The following ANKS1B variants were observed in gnomAD, a reference collection of about 807,000 sequenced individuals.
ANKS1B encodes the protein ankyrin repeat and sterile alpha motif domain containing 1B.
Under a neutral mutation model 148.3 loss-of-function variants are expected in ANKS1B, and 36 were observed. The observed-to-expected ratio is 0.24, with a 90% confidence interval of 0.19 to 0.32. The LOEUF (loss-of-function observed/expected upper bound fraction) is 0.32, where lower values mean the gene tolerates loss of function less well. Ranked by LOEUF, ANKS1B falls within the 10% of genes least tolerant of loss-of-function variation. The pLI, the probability that ANKS1B is intolerant of heterozygous loss-of-function variation, is 1.00. For missense variants in ANKS1B, 1,157 were observed against 1,542.6 expected, an observed-to-expected ratio of 0.75 and a Z score of 4.19; for synonymous variants, 542 against 560.8, an observed-to-expected ratio of 0.97 and a Z score of 0.47.
At chr12:98,792,699 T>G (rs932175106) in intron 22 of ANKS1B, among the ~76,000 whole-genome samples, 1 of 152,190 alleles carries the variant, frequency 6.6e-6, no homozygotes, top group Non-Finnish European at 1.5e-5. Context: ...TGAAATCATG[T>G]GGTATTTGTC....
chr12:98,836,122 T>G (rs1236474753), intron 17 of ANKS1B, among the ~76,000 whole-genome samples: 1 of 152,216 alleles, frequency 6.6e-6, no homozygotes, highest in African/African-American at 2.4e-5. Context: ...CTCTCCTTGC[T>G]CTTCTTCTTG....
chr12:99,418,391 A>G (rs1293627468), intron 11 of ANKS1B, among the ~76,000 whole-genome samples: 1 of 152,204 alleles, frequency 6.6e-6, no homozygotes, highest in Non-Finnish European at 1.5e-5. Context: ...ATTTGTGATT[A>G]TAAATGACCT....
At chr12:99,935,474 G>A (rs934404353) in intron 1 of ANKS1B, among the ~76,000 whole-genome samples, 2 of 152,012 alleles carry the variant, frequency 1.3e-5, no homozygotes, top group African/African-American at 4.8e-5. Flanking sequence ...CTCACAGGCT[G>A]AAATCAAAAT....
At chr12:99,238,443 C>T (rs553851576) in intron 14 of ANKS1B, among the ~76,000 whole-genome samples, 2 of 152,350 alleles carry the variant, frequency 1.3e-5, no homozygotes, top group Admixed American at 6.5e-5. Context: ...CTTAGCAAGG[C>T]CTACTGCCTC....
intron 10 of ANKS1B, among the ~76,000 whole-genome samples, chr12:99,492,193 A>G (rs984408756): frequency 9.2e-5 from 14 of 152,148 alleles, no homozygotes; most frequent in Non-Finnish European, 1.6e-4. Context: ...GGTCTAAATA[A>G]ACACAATCAG....
At chr12:99,809,593 T>C (rs538810581) in intron 3 of ANKS1B, among the ~76,000 whole-genome samples, 1 of 152,218 alleles carries the variant, frequency 6.6e-6, no homozygotes, top group South Asian at 2.1e-4. Context: ...AGTGTTACCA[T>C]GTAAATTACT....
At chr12:99,826,227 G>A (rs1395183548) in intron 1 of ANKS1B, among the ~76,000 whole-genome samples, 1 of 152,134 alleles carries the variant, frequency 6.6e-6, no homozygotes, top group Admixed American at 6.6e-5. Context: ...TAGGCACTGG[G>A]AGCACAAAAT....
chr12:98,802,453 TG>T (rs1415650214), intron 20 of ANKS1B, among the ~76,000 whole-genome samples: 1 of 152,144 alleles, frequency 6.6e-6, no homozygotes, highest in African/African-American at 2.4e-5. Context: ...TCTCTAGGAA[TG>T]GCGTACATAG....
intron 9 of ANKS1B, among the ~76,000 whole-genome samples, chr12:99,596,120 AT>A (rs1487395491): frequency 6.6e-6 from 1 of 151,896 alleles, no homozygotes; most frequent in Non-Finnish European, 1.5e-5. Context: ...AATATATTAA[AT>A]TTCTAGCACT....
At chr12:99,646,336 A>T (rs1164568961) in intron 9 of ANKS1B, among the ~76,000 whole-genome samples, 1 of 152,116 alleles carries the variant, frequency 6.6e-6, no homozygotes, top group Non-Finnish European at 1.5e-5. Context: ...GAAAGGAAGA[A>T]ATTATGTTTG....
intron 15 of ANKS1B, among the ~76,000 whole-genome samples, chr12:99,106,186 T>G (rs1037974406): frequency 6.6e-6 from 1 of 152,248 alleles, no homozygotes; most frequent in Admixed American, 6.5e-5. Flanking sequence ...CAATTACTAC[T>G]GGCAGCCTAA....
At chr12:99,946,654 CTT>C (rs1470985308) in intron 1 of ANKS1B, among the ~76,000 whole-genome samples, 1 of 152,174 alleles carries the variant, frequency 6.6e-6, no homozygotes, top group Non-Finnish European at 1.5e-5. Flanking sequence ...TTCTCCCACT[CTT>C]TGGTTTACAC....
intron 1 of ANKS1B, among the ~76,000 whole-genome samples, chr12:99,874,475 G>C (rs186943618): frequency 1.6e-4 from 24 of 152,134 alleles, no homozygotes; most frequent in African/African-American, 5.1e-4. Context: ...ATTGACTGCT[G>C]TCAAGATATT....
At chr12:99,407,488 TTCACCGTCATACTGGAAG>T (rs1298331006) in intron 11 of ANKS1B, among the ~76,000 whole-genome samples, 2 of 145,434 alleles carry the variant, frequency 1.4e-5, no homozygotes, top group Non-Finnish European at 3.0e-5. Flanking sequence ...AGCACTCTTA[TTCACCGTCATACTGGAAG>T]TCCTGGCTAG....
intron 4 of ANKS1B, among the ~76,000 whole-genome samples, chr12:99,786,203 A>G (rs1421716434): frequency 1.3e-5 from 2 of 152,230 alleles, no homozygotes; most frequent in Non-Finnish European, 2.9e-5. Context: ...CTGAAAACAA[A>G]CCAAAGAATA....
At chr12:98,895,000 G>C (rs2099761719) in intron 17 of ANKS1B, 2 of 816,032 alleles carry the variant, frequency 2.5e-6, no homozygotes, top group Admixed American at 1.3e-4. Flanking sequence ...CAGCGGCGGC[G>C]GCGGCGGCGC....
At chr12:99,602,529 TC>T (rs2097810905) in intron 9 of ANKS1B, among the ~76,000 whole-genome samples, 1 of 152,092 alleles carries the variant, frequency 6.6e-6, no homozygotes, top group South Asian at 2.1e-4. Flanking sequence ...CCTCAAAGTA[TC>T]TTCAGGTGAA....
At chr12:99,537,237 C>A (rs2097079275) in intron 9 of ANKS1B, among the ~76,000 whole-genome samples, 1 of 152,162 alleles carries the variant, frequency 6.6e-6, no homozygotes, top group Admixed American at 6.5e-5. Context: ...GTGCAGATAT[C>A]TCTTCAACAT....
At chr12:99,952,640 A>G (rs1302520442) in intron 1 of ANKS1B, among the ~76,000 whole-genome samples, 1 of 152,152 alleles carries the variant, frequency 6.6e-6, no homozygotes, top group Admixed American at 6.5e-5. Flanking sequence ...AGGCTCTTGT[A>G]CTTTCAACCA....
Sources: gnomAD v4.1 joint callset for allele counts (sites outside exome capture counted in the v4.1 genomes callset) on GRCh38, gnomAD v4.1.1 for gene constraint, MANE v1.5 for transcripts, NCBI Gene and HGNC (gene_info 2026-07-23, HGNC 2026-07-21) for gene names.